MINAR2: variants seen among roughly 807,000 people sequenced by gnomAD.
MINAR2 encodes the protein membrane integral NOTCH2 associated receptor 2, also known as major intrinsically disordered NOTCH2-binding receptor 1-like.
Under a neutral mutation model 16.1 loss-of-function variants are expected in MINAR2, and 21 were observed. The ratio of observed to expected loss-of-function variants is 1.31; its 90% CI spans 0.93 to 1.88. The LOEUF (loss-of-function observed/expected upper bound fraction) is 1.88, where lower values mean the gene tolerates loss of function less well. Among genes scored for constraint, MINAR2 ranks in the 40% most tolerant of loss-of-function variants. The pLI, the probability that MINAR2 is intolerant of heterozygous loss-of-function variation, is 0.00. For missense variants in MINAR2, 259 were observed against 229.8 expected, an observed-to-expected ratio of 1.13 and a Z score of -0.82; for synonymous variants, 86 against 83.0, an observed-to-expected ratio of 1.04 and a Z score of -0.20.
intron 1 of MINAR2, among the ~76,000 whole-genome samples, chr5:129,759,512 T>A (rs1758099982): frequency 6.6e-6 from 1 of 152,098 alleles, no homozygotes; most frequent in Admixed American, 6.6e-5. Flanking sequence ...AAAGTAAAAA[T>A]CTGAAGGTCA....
intron 2 of MINAR2, among the ~76,000 whole-genome samples, chr5:129,761,551 G>A (rs867208145): frequency 2.0e-5 from 3 of 152,014 alleles, no homozygotes; most frequent in Admixed American, 6.6e-5. Context: ...TAATCTCTTA[G>A]TAGATTGAAT....
chr5:129,754,466 T>A (rs369257407), intron 1 of MINAR2, among the ~76,000 whole-genome samples: 6 of 152,318 alleles, frequency 3.9e-5, no homozygotes, highest in East Asian at 1.9e-4. Flanking sequence ...AGGATTACAC[T>A]GAATGCATAG....
chr5:129,761,155 A>G (rs958800313), intron 2 of MINAR2, among the ~76,000 whole-genome samples: 10 of 152,230 alleles, frequency 6.6e-5, no homozygotes, highest in African/African-American at 2.4e-4. Context: ...AAAAGTATGC[A>G]ATGAACTCAT....
rs529367600 is a variant in MINAR2 at position 129,754,717 on chromosome 5, G to A, written c.166-5661G>A. 2.0e-5 allele frequency among the ~76,000 whole-genome samples: 3 copies of A among 152,066 alleles called. No homozygotes were observed. In the South Asian group the frequency reaches 6.2e-4, roughly 32 times the overall value. ...TAGAGCATTACTCATGCATACTATTGATCATTATATACTGATTTTGAATCC... is the reference window on the plus strand; with the variant it reads ...TAGAGCATTACTCATGCATACTATTAATCATTATATACTGATTTTGAATCC... On this transcript the variant is annotated intron_variant, in intron 1 of 2. Coordinates refer to ENST00000564719, the MANE Select transcript of MINAR2 (RefSeq NM_001257308.2).
At chr5:129,760,227 A>G (rs1250138096) in intron 1 of MINAR2, 151 bp from the exon 2 acceptor site, 9 of 635,204 alleles carry the variant, frequency 1.4e-5, no homozygotes, top group Non-Finnish European at 2.2e-5. Context: ...TTCTAGGTCA[A>G]ACGAAACCCT....
At chr5:129,755,714 C>T (rs948243349) in intron 1 of MINAR2, among the ~76,000 whole-genome samples, 2 of 151,998 alleles carry the variant, frequency 1.3e-5, no homozygotes, top group African/African-American at 4.8e-5. Context: ...TTTTCTTGAG[C>T]AGTATTGCCA....
At chr5:129,748,938 G>C (rs1276591640) in intron 1 of MINAR2, among the ~76,000 whole-genome samples, 1 of 152,168 alleles carries the variant, frequency 6.6e-6, no homozygotes, top group Non-Finnish European at 1.5e-5. Flanking sequence ...TTTTCCACAG[G>C]TGTCCATGTG....
rs188467792 is a variant in MINAR2, at chr5:129,764,594, T to A, written c.394-290T>A. Among the ~76,000 whole-genome samples, 438 of 152,338 alleles carry A rather than the reference T, an allele frequency of 2.9e-3. 5 individuals carry two copies. Among genetic ancestry groups the A allele is most frequent in the African/African-American group, 0.01 (416 of 41,576 alleles). ...CACCGTTGTGTTTCTGACCCTCTGATGTGAGCAATTTAATTAAAGAATCAT... is the reference window on the plus strand; with the variant it reads ...CACCGTTGTGTTTCTGACCCTCTGAAGTGAGCAATTTAATTAAAGAATCAT... On this transcript the variant is annotated intron_variant, in intron 2 of 2. Coordinates refer to ENST00000564719, the MANE Select transcript of MINAR2 (RefSeq NM_001257308.2).
chr5:129,766,646 A>AAAAAAC lies in MINAR2; in HGVS notation c.*1588_*1589insCAAAAA, dbSNP rs1758220721. On this transcript the variant is annotated 3_prime_UTR_variant, in exon 3 of 3. Transcript: ENST00000564719. ...AGTGAGACTTCCATAAAAAAAAAAA[A>AAAAAAC]AAAAAAAAAACAAACAAACAAACAA... is the stretch of plus-strand genomic sequence containing the variant. 3 of 145,980 alleles carry AAAAAAC rather than the reference A, an allele frequency of 2.1e-5. No homozygotes were observed. The highest frequency in any genetic ancestry group is 7.7e-5 in the African/African-American group (3 of 38,714). 9.0% of individuals were successfully genotyped at this position (145,980 alleles called of 1,614,324 possible). A position where few individuals can be genotyped will look rare whatever the true frequency, so the allele number is the denominator to read the frequency against.
At chr5:129,752,734 T>C (rs552644769) in intron 1 of MINAR2, among the ~76,000 whole-genome samples, 2 of 151,544 alleles carry the variant, frequency 1.3e-5, no homozygotes, top group East Asian at 3.9e-4. Flanking sequence ...GAACTTAAAG[T>C]ATAATTTAAA....
At chr5:129,748,970 C>T (rs747122151) in intron 1 of MINAR2, among the ~76,000 whole-genome samples, 3 of 152,130 alleles carry the variant, frequency 2.0e-5, no homozygotes, top group Non-Finnish European at 4.4e-5. Context: ...CCAATTAGAC[C>T]TTCAAACCCA....
chr5:129,748,486 G>A (rs991416950), intron 1 of MINAR2, 131 bp downstream of exon 1: 1 of 848,572 alleles, frequency 1.2e-6, no homozygotes, highest in Non-Finnish European at 1.7e-6. Flanking sequence ...TTCCAACTTA[G>A]TCTTTCTCTC....
In MINAR2 at chr5:129,766,421, A is replaced by C. The variant is rs1438949871; in HGVS notation, c.*1358A>C. The C allele has an allele frequency of 6.6e-6, 1 of 152,250 alleles. No homozygotes were observed. Among genetic ancestry groups the C allele is most frequent in the African/African-American group, 2.4e-5 (1 of 41,434 alleles). The allele number at this position is 152,250 out of a possible 1,614,324, so 9.4% of individuals were successfully genotyped here. ...GGGAGGCTGAGGTGGGTGGATCATG[A>C]GGTCAGGAGTTCGAGACCAGCCTGG... On this transcript the variant is annotated 3_prime_UTR_variant, in exon 3 of 3. Coordinates refer to ENST00000564719, the MANE Select transcript of MINAR2 (RefSeq NM_001257308.2).
chr5:129,748,099 C>T lies in MINAR2; in HGVS notation c.-92C>T. On this transcript the variant is annotated 5_prime_UTR_variant, in exon 1 of 3. It introduces an in-frame stop codon into an upstream open reading frame of the 5' UTR. Transcript: ENST00000564719. ...CAGCTGAGAGACTTGGTTTCAGATG[C>T]AGTCAGAGCATCCTCAGGCACATTA... is the stretch of plus-strand genomic sequence containing the variant. 1 of 1,182,220 alleles carries T rather than the reference C, an allele frequency of 8.5e-7. No individual in the cohort carries two copies. Among genetic ancestry groups the T allele is most frequent in the Non-Finnish European group, 1.2e-6 (1 of 854,396 alleles). The allele number at this position is 1,182,220 out of a possible 1,614,324, so 73.2% of individuals were successfully genotyped here.
chr5:129,758,152 T>C (rs1758079400), intron 1 of MINAR2, among the ~76,000 whole-genome samples: 1 of 152,014 alleles, frequency 6.6e-6, no homozygotes, highest in Non-Finnish European at 1.5e-5. Context: ...CTTTTTTAAA[T>C]AAATATTTTA....
At chr5:129,761,440 A>G (rs927766007) in intron 2 of MINAR2, among the ~76,000 whole-genome samples, 3 of 151,954 alleles carry the variant, frequency 2.0e-5, no homozygotes, top group African/African-American at 7.3e-5. Context: ...TTTTTTTTTA[A>G]AGAGGACAGC....
In MINAR2 at chr5:129,765,013, G is replaced by T. The variant is rs1310269407; in HGVS notation, c.523G>T (p.Val175Phe). 4.5e-6 allele frequency: 6 copies of T among 1,345,954 alleles called. No homozygotes were observed. The highest frequency in any genetic ancestry group is 4.8e-6 in the Non-Finnish European group (5 of 1,048,178). 83.4% of individuals were successfully genotyped at this position (1,345,954 alleles called of 1,614,324 possible). ...FCRMGLILLV[V>F]ISILVTIVTI... ...TCGTATGGGTCTGATTTTACTTGTC[G>T]TTATCTCCATCTTGGTTACCATAGT... Residue 175 changes from valine to phenylalanine, a missense_variant, in exon 3 of 3, where the codon GTT becomes TTT. Coordinates refer to ENST00000564719, the MANE Select transcript of MINAR2 (RefSeq NM_001257308.2).
intron 1 of MINAR2, among the ~76,000 whole-genome samples, chr5:129,755,660 G>T (rs1324187556): frequency 6.6e-6 from 1 of 151,978 alleles, no homozygotes; most frequent in East Asian, 1.9e-4. Context: ...CTCTTGTCAA[G>T]TCCCCTTTAC....
chr5:129,748,299 T>A lies in MINAR2; in HGVS notation c.109T>A (p.Phe37Ile), dbSNP rs1561682770. The A allele has an allele frequency of 1.3e-6, 2 of 1,535,108 alleles. No individual in the cohort carries two copies. Among genetic ancestry groups the A allele is most frequent in the Non-Finnish European group, 1.7e-6 (2 of 1,146,536 alleles). ...SALLQASLVR[F>I]PGGNYPAAQH... is the part of the protein sequence containing the mutation. ...CCTCCTTCAGGCCAGCCTGGTGAGGTTTCCGGGTGGAAATTATCCTGCTGC... is the reference window on the plus strand; with the variant it reads ...CCTCCTTCAGGCCAGCCTGGTGAGGATTCCGGGTGGAAATTATCCTGCTGC... The change falls in exon 1 of 3, where the codon TTT becomes ATT. Residue 37 changes from phenylalanine to isoleucine, a missense_variant. Transcript: ENST00000564719.
Sources: allele counts gnomAD v4.1 joint callset (sites outside exome capture counted in the v4.1 genomes callset), GRCh38; gene constraint gnomAD v4.1.1; transcripts MANE v1.5; gene names NCBI Gene and HGNC (gene_info 2026-07-23, HGNC 2026-07-21).